The following DCAF16 variants were observed in gnomAD, a reference collection of about 807,000 sequenced individuals.
DCAF16 encodes the protein DDB1- and CUL4-associated factor 16.
DCAF16 carries 10 observed loss-of-function variants against 17.3 expected under a neutral mutation model. The ratio of observed to expected loss-of-function variants is 0.58; its 90% CI spans 0.36 to 0.98. DCAF16 has a LOEUF of 0.98. DCAF16 is among the 50% of genes least tolerant of loss of function. DCAF16 has a pLI of 0.01. For missense variants in DCAF16, 249 were observed against 247.6 expected, an observed-to-expected ratio of 1.01 and a Z score of -0.04; for synonymous variants, 111 against 92.8, an observed-to-expected ratio of 1.20 and a Z score of -1.12.
At chr4:17,800,068 C>T (rs887676688), downstream of DCAF16, among the ~76,000 whole-genome samples, 10 of 148,192 alleles carry the variant, frequency 6.7e-5, no homozygotes, top group African/African-American at 2.3e-4. Flanking sequence ...TGCTTGAACC[C>T]GGGAGGTGGA....
chr4:17,804,542 G>T lies in DCAF16; in HGVS notation c.-401C>A, dbSNP rs992543610. 5.1e-6 allele frequency: 1 copy of T among 197,810 alleles called. No homozygotes were observed. 12.3% of individuals were successfully genotyped at this position (197,810 alleles called of 1,614,324 possible). A position where few individuals can be genotyped will look rare whatever the true frequency, so the allele number is the denominator to read the frequency against. Reference sequence around the variant, plus strand: ...GAAGAGACACTTTTTGTGCTGTTTTGCTGGCAGTGATATTATATCTACTTG... The same window carrying T: ...GAAGAGACACTTTTTGTGCTGTTTTTCTGGCAGTGATATTATATCTACTTG... On this transcript the variant is annotated 5_prime_UTR_variant, in exon 3 of 3. Coordinates refer to ENST00000382247, the MANE Select transcript of DCAF16 (RefSeq NM_017741.4).
At position 17,802,575 on chromosome 4, in the gene DCAF16, T is replaced by G. The variant is rs1177647762; in HGVS notation, c.*916A>C. ...TATGCAGGCACATCTATATAAAAGC[T>G]GGGAAAGAAATTCATATCCCTGCCA... On this transcript the variant is annotated 3_prime_UTR_variant, in exon 3 of 3. Transcript: ENST00000382247. The G allele has an allele frequency of 6.7e-6, 1 of 149,908 alleles. No homozygotes were observed. The highest frequency in any genetic ancestry group is 1.5e-5 in the Non-Finnish European group (1 of 67,768). 9.3% of individuals were successfully genotyped at this position (149,908 alleles called of 1,614,324 possible). A position where few individuals can be genotyped will look rare whatever the true frequency, so the allele number is the denominator to read the frequency against.
chr4:17,798,145 C>T (rs1213074822), downstream of DCAF16, among the ~76,000 whole-genome samples: 1 of 152,092 alleles, frequency 6.6e-6, no homozygotes, highest in Admixed American at 6.6e-5. Flanking sequence ...CTAATGATCC[C>T]AGGAATTTTC....
chr4:17,803,261 C>G lies in DCAF16; in HGVS notation c.*230G>C, dbSNP rs191994263. On this transcript the variant is annotated 3_prime_UTR_variant, in exon 3 of 3. Transcript: ENST00000382247. ...GCTGGTCTCAAACTTCTGACTTCAG[C>G]AGATCCACCCGCCTCAGCCTCCCAA... is the stretch of plus-strand genomic sequence containing the variant. The G allele has an allele frequency of 1.4e-4, 72 of 499,744 alleles. No homozygotes were observed. In the East Asian group the frequency reaches 2.5e-3, roughly 17 times the overall value. 31.0% of individuals were successfully genotyped at this position (499,744 alleles called of 1,614,324 possible).
the DCAF16 span, among the ~76,000 whole-genome samples, chr4:17,795,591 T>G: frequency 6.6e-6 from 1 of 152,240 alleles, no homozygotes; most frequent in African/African-American, 2.4e-5. Flanking sequence ...TTCAAGTTAT[T>G]TTCTAATACA....
intron 1 of DCAF16, among the ~76,000 whole-genome samples, chr4:17,806,268 G>GT (rs1720314293): frequency 6.6e-6 from 1 of 152,108 alleles, no homozygotes; most frequent in African/African-American, 2.4e-5. Flanking sequence ...CTGCACAAAT[G>GT]TTAACTATTT....
chr4:17,794,898 A>C, the DCAF16 span, among the ~76,000 whole-genome samples: 1 of 152,324 alleles, frequency 6.6e-6, no homozygotes, highest in African/African-American at 2.4e-5. Context: ...GTTTTCCTAG[A>C]TACCTACTTC....
At chr4:17,795,434 G>A in the DCAF16 span, among the ~76,000 whole-genome samples, 1 of 151,486 alleles carries the variant, frequency 6.6e-6, no homozygotes, top group Non-Finnish European at 1.5e-5. Flanking sequence ...TCCGGGAAAT[G>A]TTATTTTAAT....
At chr4:17,809,438 T>A (rs745638809) in intron 1 of DCAF16, 1 of 152,226 alleles carries the variant, frequency 6.6e-6, no homozygotes, top group Non-Finnish European at 1.5e-5. Context: ...AATATCCTCA[T>A]TCAGGGATTT....
At chr4:17,795,254 A>G in the DCAF16 span, among the ~76,000 whole-genome samples, 2 of 152,164 alleles carry the variant, frequency 1.3e-5, no homozygotes, top group African/African-American at 4.8e-5. Flanking sequence ...CATTTTGAAA[A>G]CGTATCCTTT....
rs746847066 is a variant in DCAF16, at chr4:17,810,477, G to GCGT, written c.-783_-781dup. 1.3e-5 allele frequency: 2 copies of GCGT among 152,436 alleles called. No homozygotes were observed. Among genetic ancestry groups the GCGT allele is most frequent in the Non-Finnish European group, 2.9e-5 (2 of 68,222 alleles). 9.4% of individuals were successfully genotyped at this position (152,436 alleles called of 1,614,324 possible). ...GTCGCCCCGCTCAGCGGACCCAGCA[G>GCGT]CGTCGTCTCCCTTCTCAGAGGTGGC... is the stretch of plus-strand genomic sequence containing the variant. On this transcript the variant is annotated 5_prime_UTR_variant, in exon 1 of 3. Transcript: ENST00000382247.
chr4:17,797,802 CTGGTCCATTGCTT>C (rs1270227161), downstream of DCAF16, among the ~76,000 whole-genome samples: 3 of 152,298 alleles, frequency 2.0e-5, no homozygotes, highest in East Asian at 5.8e-4. Context: ...GTTGCCCCTA[CTGGTCCATTGCTT>C]AATTAATTTA....
chr4:17,805,141 G>T lies in DCAF16; in HGVS notation c.-665C>A, dbSNP rs1400712616. On this transcript the variant is annotated 5_prime_UTR_variant, in exon 2 of 3. Coordinates refer to ENST00000382247, the MANE Select transcript of DCAF16 (RefSeq NM_017741.4). ...TGCTTGTTGGAATTAGTTTTAGGGG[G>T]CCTGTCCTGGTGGTAGAGCTGCTAG... 2.0e-5 allele frequency: 3 copies of T among 150,386 alleles called. No individual in the cohort carries two copies. Among genetic ancestry groups the T allele is most frequent in the African/African-American group, 7.4e-5 (3 of 40,728 alleles). The allele number at this position is 150,386 out of a possible 1,614,324, so 9.3% of individuals were successfully genotyped here.
At chr4:17,793,681 T>C in the DCAF16 span, among the ~76,000 whole-genome samples, 1 of 152,182 alleles carries the variant, frequency 6.6e-6, no homozygotes, top group Non-Finnish European at 1.5e-5. Flanking sequence ...GAAGAGTTAT[T>C]TCTGCGAGAT....
At chr4:17,804,927 G>A (rs1025451074) in intron 2 of DCAF16, among the ~76,000 whole-genome samples, 156 bp from the exon 3 acceptor site, 1 of 152,102 alleles carries the variant, frequency 6.6e-6, no homozygotes, top group Non-Finnish European at 1.5e-5. Flanking sequence ...GTTGGTAATA[G>A]CTCTTACAAT....
intron 1 of DCAF16, among the ~76,000 whole-genome samples, chr4:17,808,889 G>C (rs1232636636): frequency 6.6e-6 from 1 of 152,174 alleles, no homozygotes; most frequent in African/African-American, 2.4e-5. Context: ...GATTAGCCAG[G>C]TGTGGTGGTG....
intron 1 of DCAF16, among the ~76,000 whole-genome samples, chr4:17,810,162 T>C (rs1171673935): frequency 6.6e-6 from 1 of 152,222 alleles, no homozygotes; most frequent in African/African-American, 2.4e-5. Flanking sequence ...CTGTCTGATA[T>C]AATTTCATTT....
At chr4:17,810,005 A>T (rs926027962) in intron 1 of DCAF16, among the ~76,000 whole-genome samples, 3 of 152,196 alleles carry the variant, frequency 2.0e-5, no homozygotes, top group Non-Finnish European at 2.9e-5. Flanking sequence ...CTTTTACAAC[A>T]GGACAGATTT....
chr4:17,795,829 G>T (rs1275945894), downstream of DCAF16, among the ~76,000 whole-genome samples: 1 of 152,172 alleles, frequency 6.6e-6, no homozygotes, highest in Admixed American at 6.5e-5. Flanking sequence ...AGCTGTATAT[G>T]AAGGAGCAGG....
Sources: gnomAD v4.1 joint callset for allele counts (sites outside exome capture counted in the v4.1 genomes callset) on GRCh38, gnomAD v4.1.1 for gene constraint, MANE v1.5 for transcripts, NCBI Gene and HGNC (gene_info 2026-07-23, HGNC 2026-07-21) for gene names.